Variants in CATSPERE observed in about 807,000 individuals in gnomAD.
CATSPERE encodes catsper channel auxiliary subunit epsilon, also known as cation channel sperm-associated auxiliary subunit epsilon.
Under a neutral mutation model 114.1 loss-of-function variants are expected in CATSPERE, and 93 were observed. The ratio of observed to expected loss-of-function variants is 0.81; its 90% CI spans 0.69 to 0.97. The LOEUF (loss-of-function observed/expected upper bound fraction) is 0.97. Among genes scored for constraint, CATSPERE ranks in the 50% least tolerant of loss-of-function variants. The pLI, the probability that CATSPERE is intolerant of heterozygous loss-of-function variation, is 0.00. For synonymous variants in CATSPERE, 341 were observed against 384.1 expected, an observed-to-expected ratio of 0.89 and a Z score of 1.31; for missense variants, 1,058 against 1,131.6, an observed-to-expected ratio of 0.93 and a Z score of 0.93.
intron 20 of CATSPERE, among the ~76,000 whole-genome samples, chr1:244,632,149 AC>A (rs1201414382): frequency 1.3e-5 from 2 of 152,142 alleles, no homozygotes; most frequent in Admixed American, 1.3e-4. Flanking sequence ...TAATCCCAGC[AC>A]TTTGGGAGGC....
rs987990532 is a variant in CATSPERE, at chr1:244,469,312, A to T, written c.114+5356A>T. 3.9e-5 allele frequency among the ~76,000 whole-genome samples: 6 copies of T among 152,228 alleles called. No homozygotes were observed. In the East Asian group the frequency reaches 1.2e-3, roughly 29 times the overall value. ...ATATAAGGAATACATATAAGTACATAAAAGTATGGAGTACATATAAGGAGA... is the reference window on the plus strand; with the variant it reads ...ATATAAGGAATACATATAAGTACATTAAAGTATGGAGTACATATAAGGAGA... On this transcript the variant is annotated intron_variant, in intron 2 of 21. Coordinates refer to ENST00000366534, the MANE Select transcript of CATSPERE (RefSeq NM_001130957.2).
Position 244,575,277 on chromosome 1 carries a change from C to T in CATSPERE, c.1950+2505C>T, listed in dbSNP as rs116589964. ...GCCCAGAGGCTTGGCAGGTGCCTGC[C>T]GTAAGTTGTACGATCATGCTCTTTC... On this transcript the variant is annotated intron_variant, in intron 11 of 21. Transcript: ENST00000366534. This position sits in a 1 kb window ranked among gnomAD's most constrained non-coding sequence, Gnocchi z 4.5. Among the ~76,000 whole-genome samples the T allele has an allele frequency of 0.011, 1,694 of 152,334 alleles. 28 individuals are homozygous for T. The highest frequency in any genetic ancestry group is 0.027 in the Middle Eastern group (8 of 294).
chr1:244,499,649 C>T (rs1335649948), intron 7 of CATSPERE, among the ~76,000 whole-genome samples: 1 of 152,044 alleles, frequency 6.6e-6, no homozygotes, highest in Non-Finnish European at 1.5e-5. Flanking sequence ...CAGTTTCATC[C>T]ATGTCCCTGC....
intron 19 of CATSPERE, among the ~76,000 whole-genome samples, chr1:244,615,536 G>A (rs1055493881): frequency 6.6e-6 from 1 of 151,008 alleles, no homozygotes; most frequent in African/African-American, 2.4e-5. Context: ...ATTGCTCCCA[G>A]GCCACAAACA....
chr1:244,499,129 C>T, intron 7 of CATSPERE, 50 bp downstream of exon 7: 1 of 1,385,520 alleles, frequency 7.2e-7, no homozygotes, highest in Middle Eastern at 1.8e-4. Flanking sequence ...TGCTGCCTTT[C>T]TTTTGTAGGG....
In CATSPERE at chr1:244,475,525, C is replaced by T. The variant is rs183919259; in HGVS notation, c.115-2016C>T. 3.6e-3 allele frequency among the ~76,000 whole-genome samples: 542 copies of T among 148,892 alleles called. 4 individuals are homozygous for T. The highest frequency in any genetic ancestry group is 0.012 in the African/African-American group (492 of 40,314). On this transcript the variant is annotated intron_variant, in intron 2 of 21. Coordinates refer to ENST00000366534, the MANE Select transcript of CATSPERE (RefSeq NM_001130957.2). ...CTGGGATTACAGGTGTGAGCCACTGCACCTGGCCACAATTTTTTTTTTTTT... is the reference window on the plus strand; with the variant it reads ...CTGGGATTACAGGTGTGAGCCACTGTACCTGGCCACAATTTTTTTTTTTTT...
chr1:244,629,278 G>A (rs748052010), intron 20 of CATSPERE, among the ~76,000 whole-genome samples: 7 of 152,010 alleles, frequency 4.6e-5, no homozygotes, highest in Non-Finnish European at 7.4e-5. Context: ...CCATCTAGAC[G>A]GGCTTTTCAC....
chr1:244,617,709 T>G (rs767264868), intron 20 of CATSPERE, 23 bp downstream of exon 20: 12 of 1,502,240 alleles, frequency 8.0e-6, no homozygotes, highest in Non-Finnish European at 1.1e-5. Flanking sequence ...GTTACTGTAA[T>G]AGTGTTAGCA....
chr1:244,637,017 T>C (rs1449780641), intron 21 of CATSPERE, among the ~76,000 whole-genome samples: 1 of 152,090 alleles, frequency 6.6e-6, no homozygotes, highest in Non-Finnish European at 1.5e-5. Context: ...AACCATCCTC[T>C]GAGCCCTCCC....
chr1:244,569,593 C>T (rs1260929352), intron 10 of CATSPERE, among the ~76,000 whole-genome samples: 2 of 152,100 alleles, frequency 1.3e-5, no homozygotes, highest in East Asian at 3.9e-4. Context: ...TTTGTAACTT[C>T]TGATATGCCA....
chr1:244,582,603 T>C (rs934074964), intron 12 of CATSPERE, among the ~76,000 whole-genome samples: 1 of 152,054 alleles, frequency 6.6e-6, no homozygotes, highest in Admixed American at 6.6e-5. Context: ...AGTTTCTCCA[T>C]GTTGGTCAGG....
intron 6 of CATSPERE, among the ~76,000 whole-genome samples, chr1:244,494,440 T>G (rs1309436628): frequency 9.2e-6 from 1 of 108,994 alleles, no homozygotes; most frequent in African/African-American, 3.7e-5. Context: ...CATCCCACTC[T>G]GGGGACTGTT....
chr1:244,612,304 G>A (rs10754834), intron 19 of CATSPERE, among the ~76,000 whole-genome samples: 125,403 of 152,090 alleles, frequency 0.82, 51,789 homozygotes, highest in Middle Eastern at 0.9. Flanking sequence ...TTCCTGAAAC[G>A]TATACCTGAA....
Position 244,490,477 on chromosome 1 carries a change from A to G in CATSPERE, c.351+6A>G, listed in dbSNP as rs528655854. 11 of 1,497,634 alleles carry G rather than the reference A, an allele frequency of 7.3e-6. No individual in the cohort carries two copies. The highest frequency in any genetic ancestry group is 1.7e-5 in the Admixed American group (1 of 58,048). 92.8% of individuals were successfully genotyped at this position (1,497,634 alleles called of 1,614,324 possible). A position where few individuals can be genotyped will look rare whatever the true frequency, so the allele number is the denominator to read the frequency against. On this transcript the variant is annotated splice_donor_region_variant and intron_variant, in intron 6 of 21. Coordinates refer to ENST00000366534, the MANE Select transcript of CATSPERE (RefSeq NM_001130957.2). ...TCTTTAACAACTTTACCCAGGTAAA[A>G]TATTTTTTAAATTTTGTATAGCCTT... is the stretch of plus-strand genomic sequence containing the variant.
rs572170606 is a variant in CATSPERE, at chr1:244,595,653, T to C, written c.2303+2075T>C. Among the ~76,000 whole-genome samples the C allele has an allele frequency of 2.0e-4, 30 of 152,242 alleles. 2 individuals carry two copies. Among genetic ancestry groups the C allele is most frequent in the South Asian group, 1.5e-3 (7 of 4,824 alleles). On this transcript the variant is annotated intron_variant, in intron 17 of 21. Coordinates refer to ENST00000366534, the MANE Select transcript of CATSPERE (RefSeq NM_001130957.2). ...GCATGATCAAATATTTGCTTTAGGC[T>C]GGGCACAGTGGCTCACGCCTGTAAT...
chr1:244,599,624 C>A (rs959385380), intron 17 of CATSPERE, among the ~76,000 whole-genome samples: 2 of 152,168 alleles, frequency 1.3e-5, no homozygotes, highest in East Asian at 3.8e-4. Context: ...CACATTGCTC[C>A]AAAGCTCGAA....
In CATSPERE at chr1:244,534,372, C is replaced by T. The variant is rs115436697; in HGVS notation, c.536+15674C>T. Among the ~76,000 whole-genome samples, 814 of 152,244 alleles carry T rather than the reference C, an allele frequency of 5.3e-3. 10 individuals carry two copies. Among genetic ancestry groups the T allele is most frequent in the African/African-American group, 0.019 (784 of 41,544 alleles). On this transcript the variant is annotated intron_variant, in intron 8 of 21. Coordinates refer to ENST00000366534, the MANE Select transcript of CATSPERE (RefSeq NM_001130957.2). The stretch of plus-strand genomic sequence containing the variant: ...CTTTCTACCCCTATCTCTGTCTCTA[C>T]CTCCTCTTTTAGGCCCATAACTCTT...
chr1:244,539,910 C>T (rs1658340038), intron 8 of CATSPERE, among the ~76,000 whole-genome samples: 2 of 132,874 alleles, frequency 1.5e-5, no homozygotes, highest in African/African-American at 2.7e-5. Flanking sequence ...TTTGTTGATC[C>T]TTTCAAAAAA....
chr1:244,502,037 T>C (rs1674117131), intron 7 of CATSPERE, among the ~76,000 whole-genome samples: 1 of 152,176 alleles, frequency 6.6e-6, no homozygotes, highest in Non-Finnish European at 1.5e-5. Flanking sequence ...TTTAGGTCTC[T>C]AATTAGGTGT....
Sources: gnomAD v4.1 joint callset for allele counts (sites outside exome capture counted in the v4.1 genomes callset) on GRCh38, gnomAD v4.1.1 for gene constraint, Gnocchi (gnomAD v3.1) non-coding constraint, MANE v1.5 for transcripts, NCBI Gene and HGNC (gene_info 2026-07-23, HGNC 2026-07-21) for gene names.